Variants in INSYN2B observed in about 807,000 individuals in gnomAD.
INSYN2B encodes the protein protein INSYN2B.
Under a neutral mutation model 41.2 loss-of-function variants are expected in INSYN2B, and 16 were observed. That is an observed-to-expected ratio of 0.39 (90% confidence interval 0.26 to 0.59). INSYN2B has a LOEUF of 0.59. INSYN2B is among the 20% of genes least tolerant of loss of function. The pLI, the probability that INSYN2B is intolerant of heterozygous loss-of-function variation, is 0.57. For synonymous variants in INSYN2B, 245 were observed against 244.4 expected (o/e 1.00, Z -0.02); for missense variants, 608 against 646.4 (o/e 0.94, Z 0.64).
chr5:169,967,465 T>C (rs1440722021), intron 1 of INSYN2B, among the ~76,000 whole-genome samples: 1 of 152,090 alleles, frequency 6.6e-6, no homozygotes, highest in African/African-American at 2.4e-5. Context: ...TTAGTATAAG[T>C]TCTGTGTGGC....
At chr5:169,973,802 T>A in intron 1 of INSYN2B, among the ~76,000 whole-genome samples, 1 of 152,204 alleles carries the variant, frequency 6.6e-6, no homozygotes, top group East Asian at 1.9e-4. Context: ...ACTGTGTAAC[T>A]TTACCAATTG....
intron 3 of INSYN2B, among the ~76,000 whole-genome samples, chr5:169,864,794 CATT>C (rs763251054): frequency 3.2e-4 from 48 of 152,214 alleles, no homozygotes; most frequent in Non-Finnish European, 6.2e-4. Context: ...AAAACTGTCT[CATT>C]ATTAAAAAAT....
intron 1 of INSYN2B, among the ~76,000 whole-genome samples, chr5:169,976,265 A>C (rs924296037): frequency 6.6e-6 from 1 of 152,230 alleles, no homozygotes; most frequent in Non-Finnish European, 1.5e-5. Flanking sequence ...TTAAGAGAAC[A>C]CAGGGCTTAG....
intron 1 of INSYN2B, among the ~76,000 whole-genome samples, chr5:169,900,722 G>T (rs59204284): frequency 0.098 from 14,835 of 152,064 alleles, 775 homozygotes; most frequent in South Asian, 0.14. Context: ...GTGTAGAGTT[G>T]TTGCCCACTA....
Position 169,875,122 on chromosome 5 carries a change from G to A in INSYN2B, c.1421+6246C>T, listed in dbSNP as rs182815967. On this transcript the variant is annotated intron_variant, in intron 3 of 3. Coordinates refer to ENST00000377365, the MANE Select transcript of INSYN2B (RefSeq NM_001129891.3). Reference sequence around the variant, plus strand: ...ACAAGCAAGTATTTTTTATTCATGGGCTGGTTGTCACAAAACTTTCTAGTA... The same window carrying A: ...ACAAGCAAGTATTTTTTATTCATGGACTGGTTGTCACAAAACTTTCTAGTA... 80 of 444,024 alleles carry A rather than the reference G, an allele frequency of 1.8e-4. 1 individual carries two copies. The Admixed American group carries it at 1.9e-3, about 11-fold the overall frequency. The allele number at this position is 444,024 out of a possible 1,614,324, so 27.5% of individuals were successfully genotyped here.
chr5:169,937,480 T>A (rs1361448834), intron 1 of INSYN2B, among the ~76,000 whole-genome samples: 1 of 152,208 alleles, frequency 6.6e-6, no homozygotes, highest in Non-Finnish European at 1.5e-5. Flanking sequence ...CGCTTATCTG[T>A]GCTTGGCACA....
chr5:169,959,685 T>C (rs1433923433), intron 1 of INSYN2B, among the ~76,000 whole-genome samples: 1 of 152,164 alleles, frequency 6.6e-6, no homozygotes, highest in African/African-American at 2.4e-5. Context: ...AGTTCTCAGG[T>C]CTCCAACTGT....
At chr5:169,881,304 A>G (rs941310761) in intron 3 of INSYN2B, 64 bp downstream of exon 3, 14 of 1,346,256 alleles carry the variant, frequency 1.0e-5, no homozygotes, top group East Asian at 7.6e-5. Context: ...AAAGTTTGCT[A>G]GAGTGTTCAG....
chr5:169,873,311 A>G (rs931118914), intron 3 of INSYN2B, among the ~76,000 whole-genome samples: 1 of 152,178 alleles, frequency 6.6e-6, no homozygotes, highest in Non-Finnish European at 1.5e-5. Context: ...TACCTTTTAC[A>G]TTTTACATGT....
chr5:169,882,731 G>T lies in INSYN2B; in HGVS notation c.1168C>A (p.Leu390Ile), dbSNP rs867052187. 1.9e-6 allele frequency: 3 copies of T among 1,551,874 alleles called. No individual in the cohort carries two copies. The highest frequency in any genetic ancestry group is 2.6e-6 in the Non-Finnish European group (3 of 1,147,026). The change falls in exon 2 of 4, where the codon CTT becomes ATT. Residue 390 changes from leucine (L) to isoleucine (I), a missense_variant. Coordinates refer to ENST00000377365, the MANE Select transcript of INSYN2B (RefSeq NM_001129891.3). ...PSSLSRSETK[L>I]QSNREISDIN... is the part of the protein sequence containing the mutation. ...TCACTAATCTCCCTGTTGCTCTGAA[G>T]TTTGGTCTCACTCCTTGAAAGAGAG...
chr5:169,962,869 G>T (rs556376708), intron 1 of INSYN2B, among the ~76,000 whole-genome samples: 60 of 152,224 alleles, frequency 3.9e-4, no homozygotes, highest in African/African-American at 1.4e-3. Flanking sequence ...AATTCTCCTT[G>T]CCCAGAACAG....
rs17670695 is a variant in INSYN2B at position 169,972,786 on chromosome 5, G to A, written c.-919+7491C>T. ...AGGACTGAGGAATTGTCTAGGAAGC[G>A]GGAAAAATGTTCTCCAATGTGGACT... On this transcript the variant is annotated intron_variant, in intron 1 of 3. Coordinates refer to ENST00000377365, the MANE Select transcript of INSYN2B (RefSeq NM_001129891.3). Among the ~76,000 whole-genome samples the A allele has an allele frequency of 0.014, 2,082 of 152,236 alleles. 106 individuals carry two copies. The South Asian group carries it at 0.16, about 12-fold the overall frequency.
rs1302717968 is a variant in INSYN2B at position 169,877,773 on chromosome 5, C to T, written c.1421+3595G>A. ...TGATGGGAAGAAACTAAGGATAAGA[C>T]GAGGAGCAGTCTGTCCAGGTGGACC... On this transcript the variant is annotated intron_variant, in intron 3 of 3. Coordinates refer to ENST00000377365, the MANE Select transcript of INSYN2B (RefSeq NM_001129891.3). 5.3e-5 allele frequency among the ~76,000 whole-genome samples: 8 copies of T among 152,078 alleles called. 1 individual carries two copies. Among genetic ancestry groups the T allele is most frequent in the Admixed American group, 2.0e-4 (3 of 15,268 alleles).
At chr5:169,969,867 A>T (rs1431118715) in intron 1 of INSYN2B, among the ~76,000 whole-genome samples, 2 of 152,238 alleles carry the variant, frequency 1.3e-5, no homozygotes, top group Non-Finnish European at 2.9e-5. Context: ...ATAGACTGGG[A>T]TTGCTGGATC....
At chr5:169,897,843 A>G (rs756749453) in intron 1 of INSYN2B, among the ~76,000 whole-genome samples, 3 of 152,196 alleles carry the variant, frequency 2.0e-5, no homozygotes, top group African/African-American at 4.8e-5. Context: ...CTCCAGGTCT[A>G]TGTAATAGAG....
Position 169,863,858 on chromosome 5 carries a change from C to T in INSYN2B, c.*415G>A, listed in dbSNP as rs1362150938. On this transcript the variant is annotated 3_prime_UTR_variant, in exon 4 of 4. Transcript: ENST00000377365. ...CCTGCTTATAACCTATAACCTCCCT[C>T]TACCTTCCGGGTCTGCACAACACTA... is the stretch of plus-strand genomic sequence containing the variant. 6.6e-6 allele frequency among the ~76,000 whole-genome samples: 1 copy of T among 152,222 alleles called. No homozygotes were observed. The highest frequency in any genetic ancestry group is 2.4e-5 in the African/African-American group (1 of 41,446).
At chr5:169,975,077 A>G (rs577797191) in intron 1 of INSYN2B, among the ~76,000 whole-genome samples, 1 of 152,296 alleles carries the variant, frequency 6.6e-6, no homozygotes, top group Non-Finnish European at 1.5e-5. Context: ...GATAAGTGGA[A>G]TCAATGTAAA....
chr5:169,969,870 G>C (rs941084404), intron 1 of INSYN2B, among the ~76,000 whole-genome samples: 4 of 152,258 alleles, frequency 2.6e-5, no homozygotes, highest in African/African-American at 9.6e-5. Flanking sequence ...GACTGGGATT[G>C]CTGGATCTTC....
intron 1 of INSYN2B, among the ~76,000 whole-genome samples, chr5:169,905,128 G>A (rs928673802): frequency 2.0e-5 from 3 of 152,192 alleles, no homozygotes; most frequent in Non-Finnish European, 2.9e-5. Context: ...TCTACAGTGG[G>A]TTTAGGAAGG....
Sources: allele counts gnomAD v4.1 joint callset (sites outside exome capture counted in the v4.1 genomes callset), GRCh38; gene constraint gnomAD v4.1.1; transcripts MANE v1.5; gene names NCBI Gene and HGNC (gene_info 2026-07-23, HGNC 2026-07-21).